The following ZNF121 variants were observed in gnomAD, a reference collection of about 807,000 sequenced individuals.
The protein encoded by ZNF121 is zinc finger protein 121.
A neutral mutation model predicts 2.4 loss-of-function variants in ZNF121; 1 was observed. The observed-to-expected ratio is 0.41, with a 90% CI of 0.15 to 1.94. ZNF121 has a LOEUF of 1.94. ZNF121 is among the 30% of genes most tolerant of loss of function. The pLI is 0.30. For missense variants in ZNF121, 369 were observed against 466.3 expected (o/e 0.79, Z 1.92); for synonymous variants, 173 against 158.6 (o/e 1.09, Z -0.68).
At position 9,564,495 on chromosome 19, in the gene ZNF121, A is replaced by T. The variant is rs2074117616; in HGVS notation, c.*1445T>A. ...GTTCAAGTCTTCAGTGGAAAAAGTAACTGTGGATGTGATGGAAAAAAGAGA... is the reference window on the plus strand; with the variant it reads ...GTTCAAGTCTTCAGTGGAAAAAGTATCTGTGGATGTGATGGAAAAAAGAGA... On this transcript the variant is annotated 3_prime_UTR_variant, in exon 4 of 4. Transcript: ENST00000320451. 1 of 152,218 alleles carries T rather than the reference A, an allele frequency of 6.6e-6. No homozygotes were observed. The highest frequency in any genetic ancestry group is 2.4e-5 in the African/African-American group (1 of 41,454). The allele number at this position is 152,218 out of a possible 1,614,324, so 9.4% of individuals were successfully genotyped here.
At chr19:9,584,424 C>CCGCTAT (rs1345941777) in intron 1 of ZNF121, 37 bp downstream of exon 1, 1 of 152,388 alleles carries the variant, frequency 6.6e-6, no homozygotes, top group African/African-American at 2.4e-5. Flanking sequence ...TTGCCGCCCC[C>CCGCTAT]CGCTATCTCC....
intron 2 of ZNF121, among the ~76,000 whole-genome samples, chr19:9,568,397 T>A (rs1349983657): frequency 6.6e-6 from 1 of 151,590 alleles, no homozygotes; most frequent in Non-Finnish European, 1.5e-5. Flanking sequence ...AGACAGAGTC[T>A]CGCTCTGTCA....
Position 9,566,782 on chromosome 19 carries a change from T to A in ZNF121, c.331A>T (p.Asn111Tyr). 1 of 1,614,222 alleles carries A rather than the reference T, an allele frequency of 6.2e-7. No individual in the cohort carries two copies. Among genetic ancestry groups the A allele is most frequent in the Non-Finnish European group, 8.5e-7 (1 of 1,180,040 alleles). ...TTCTGTTCATAGAGTGTTTCTCCAT[T>A]GTGAGTTATCCTATTTGCCTGAAGA... The part of the protein sequence containing the change: ...SHLQANRITH[N>Y]GETLYEQKQC... Residue 111 changes from asparagine to tyrosine, a missense_variant, in exon 4 of 4, where the codon AAT becomes TAT. Asn to Tyr is a moderately radical substitution (Grantham distance 143). Transcript: ENST00000320451.
chr19:9,578,949 A>T (rs1368376430), intron 1 of ZNF121, among the ~76,000 whole-genome samples: 1 of 151,606 alleles, frequency 6.6e-6, no homozygotes, highest in Non-Finnish European at 1.5e-5. Context: ...AAGATTAGTA[A>T]TCAAAATATA....
Position 9,568,228 on chromosome 19 carries a change from T to C in ZNF121, c.-78-53A>G, listed in dbSNP as rs567570313. The C allele has an allele frequency of 4.2e-5, 34 of 815,918 alleles. No individual in the cohort carries two copies. In the African/African-American group the frequency reaches 5.9e-4, roughly 14 times the overall value. 50.5% of individuals were successfully genotyped at this position (815,918 alleles called of 1,614,324 possible). Reference sequence around the variant, plus strand: ...AAAATAGGGTCTGAGAACAAAACAGTAGGTTAAATAAGTCAGAATTATAAA... The same window carrying C: ...AAAATAGGGTCTGAGAACAAAACAGCAGGTTAAATAAGTCAGAATTATAAA... On this transcript the variant is annotated intron_variant, in intron 2 of 3. Coordinates refer to ENST00000320451, the MANE Select transcript of ZNF121 (RefSeq NM_001008727.5).
At chr19:9,567,511 A>G (rs1462890861) in intron 3 of ZNF121, 4 of 222,472 alleles carry the variant, frequency 1.8e-5, no homozygotes, top group Non-Finnish European at 3.7e-5. Flanking sequence ...CGTAGATGAC[A>G]ATTTTTCCAC....
intron 1 of ZNF121, among the ~76,000 whole-genome samples, chr19:9,576,702 TAAAC>T (rs1371507167): frequency 2.6e-5 from 4 of 151,432 alleles, no homozygotes; most frequent in South Asian, 2.1e-4. Flanking sequence ...CTTGAAAAGA[TAAAC>T]AAAATCAACC....
At chr19:9,571,750 CA>C (rs2074175749) in intron 1 of ZNF121, among the ~76,000 whole-genome samples, 1 of 152,070 alleles carries the variant, frequency 6.6e-6, no homozygotes, top group African/African-American at 2.4e-5. Context: ...AAGTAGAAAA[CA>C]CATTTTTAAA....
At position 9,565,795 on chromosome 19, in the gene ZNF121, T is replaced by G; in HGVS notation, c.*145A>C. 1 of 571,178 alleles carries G rather than the reference T, an allele frequency of 1.8e-6. No homozygotes were observed. The highest frequency in any genetic ancestry group is 3.0e-5 in the East Asian group (1 of 32,992). The allele number at this position is 571,178 out of a possible 1,614,324, so 35.4% of individuals were successfully genotyped here. A position where few individuals can be genotyped will look rare whatever the true frequency, so the allele number is the denominator to read the frequency against. On this transcript the variant is annotated 3_prime_UTR_variant, in exon 4 of 4. Coordinates refer to ENST00000320451, the MANE Select transcript of ZNF121 (RefSeq NM_001008727.5). ...CACATAGAGTATGAGTTCTTTCATG[T>G]CTTCGAAGTGAATGGGGATAACTGA...
At chr19:9,578,431 A>T (rs1468554235) in intron 1 of ZNF121, among the ~76,000 whole-genome samples, 1 of 152,160 alleles carries the variant, frequency 6.6e-6, no homozygotes, top group East Asian at 1.9e-4. Flanking sequence ...TGGAAGCATC[A>T]AACTGCCTGA....
chr19:9,579,928 CA>C (rs1031217605), intron 1 of ZNF121, among the ~76,000 whole-genome samples: 1 of 152,072 alleles, frequency 6.6e-6, no homozygotes, highest in Admixed American at 6.5e-5. Flanking sequence ...TATTATGAAT[CA>C]AAAAACTTTT....
rs546566201 is a variant in ZNF121 at position 9,583,039 on chromosome 19, C to G, written c.-160+1422G>C. Among the ~76,000 whole-genome samples, 15 of 132,764 alleles carry G rather than the reference C, an allele frequency of 1.1e-4. No individual in the cohort carries two copies. The Admixed American group carries it at 1.1e-3, about 10-fold the overall frequency. 87.1% of individuals were successfully genotyped at this position (132,764 alleles called of 152,430 possible). ...CCAGCCTGGCGAGCATGGTGAAACC[C>G]TGTCTCCACTAAAAATACAAAAAAA... On this transcript the variant is annotated intron_variant, in intron 1 of 3. Coordinates refer to ENST00000320451, the MANE Select transcript of ZNF121 (RefSeq NM_001008727.5).
intron 1 of ZNF121, among the ~76,000 whole-genome samples, chr19:9,584,009 C>G (rs2074267712): frequency 6.6e-6 from 1 of 152,030 alleles, no homozygotes; most frequent in African/African-American, 2.4e-5. Flanking sequence ...GATTCTCAGA[C>G]GAGACATTTT....
chr19:9,566,491 C>G lies in ZNF121; in HGVS notation c.622G>C (p.Ala208Pro). ...GTAAGGCCTGAGCGCCCAGCGAAGG[C>G]TCTTCCACATTCCTTACATTGATAA... is the stretch of plus-strand genomic sequence containing the variant. ...KPYQCKECGR[A>P]FAGRSGLTKH... is the part of the protein sequence containing the mutation. The change falls in exon 4 of 4, where the codon GCC becomes CCC. Residue 208 changes from alanine (A) to proline (P), a missense_variant. Ala to Pro is a conservative substitution (Grantham distance 27). This residue lies in a region of ZNF121 where 68 missense variants were observed against 105.5 expected (regional missense o/e 0.64). Transcript: ENST00000320451. 1 of 1,614,058 alleles carries G rather than the reference C, an allele frequency of 6.2e-7. No homozygotes were observed. The highest frequency in any genetic ancestry group is 8.5e-7 in the Non-Finnish European group (1 of 1,179,976).
Position 9,570,463 on chromosome 19 carries a change from G to A in ZNF121, c.-159-1381C>T, listed in dbSNP as rs554978858. On this transcript the variant is annotated intron_variant, in intron 1 of 3. Transcript: ENST00000320451. ...CAAAGGTTATTAAGAGAGTAGTGGCGGGAGTGTCGTAATCCTTGAAAAGCT... is the reference window on the plus strand; with the variant it reads ...CAAAGGTTATTAAGAGAGTAGTGGCAGGAGTGTCGTAATCCTTGAAAAGCT... Among the ~76,000 whole-genome samples the A allele has an allele frequency of 1.1e-4, 17 of 152,226 alleles. No homozygotes were observed. The South Asian group carries it at 2.3e-3, about 20-fold the overall frequency.
At position 9,566,856 on chromosome 19, in the gene ZNF121, T is replaced by G. The variant is rs1282211701; in HGVS notation, c.257A>C (p.Lys86Thr). The G allele has an allele frequency of 6.8e-6, 11 of 1,614,060 alleles. No individual in the cohort carries two copies. In the Admixed American group the frequency reaches 1.7e-4, roughly 24 times the overall value. The part of the protein sequence containing the change: ...NVHQRTWIGD[K>T]SFEYSDCEEA... ...CTCACAGTCACTGTATTCAAAGGAT[T>G]TGTCTCCTATCCACGTTCTCTGGTG... Residue 86 changes from lysine (K) to threonine (T), a missense_variant, in exon 4 of 4, where the codon AAA (lysine) becomes ACA (threonine). Coordinates refer to ENST00000320451, the MANE Select transcript of ZNF121 (RefSeq NM_001008727.5).
At chr19:9,573,779 A>C (rs1027443360) in intron 1 of ZNF121, among the ~76,000 whole-genome samples, 11 of 152,030 alleles carry the variant, frequency 7.2e-5, no homozygotes, top group Non-Finnish European at 1.2e-4. Flanking sequence ...AACATGAAGG[A>C]CTCCAGCTGG....
At position 9,562,067 on chromosome 19, in the gene ZNF121, A is replaced by T. The variant is rs576171502; in HGVS notation, c.*3873T>A. Reference sequence around the variant, plus strand: ...ATAAATCTATAACACCATTTTTTCCAACAGCATGTGCTTACTTTGTCTCTC... The same window carrying T: ...ATAAATCTATAACACCATTTTTTCCTACAGCATGTGCTTACTTTGTCTCTC... On this transcript the variant is annotated 3_prime_UTR_variant, in exon 4 of 4. Transcript: ENST00000320451. The T allele has an allele frequency of 6.6e-6, 1 of 152,198 alleles. No individual in the cohort carries two copies. Among genetic ancestry groups the T allele is most frequent in the South Asian group, 2.1e-4 (1 of 4,818 alleles). The allele number at this position is 152,198 out of a possible 1,614,324, so 9.4% of individuals were successfully genotyped here.
chr19:9,582,438 T>C (rs960129470), intron 1 of ZNF121, among the ~76,000 whole-genome samples: 3 of 152,138 alleles, frequency 2.0e-5, no homozygotes, highest in African/African-American at 7.2e-5. Context: ...ACTGAGCACC[T>C]TGTGATCCCC....
Sources: allele counts gnomAD v4.1 joint callset (sites outside exome capture counted in the v4.1 genomes callset), GRCh38; gene constraint gnomAD v4.1.1; regional missense constraint gnomAD v4.1.1; transcripts MANE v1.5; gene names NCBI Gene and HGNC (gene_info 2026-07-23, HGNC 2026-07-21).